Variants in RANBP2 observed in about 807,000 individuals in gnomAD.
RANBP2 encodes the protein RAN binding protein 2.
In RANBP2, 57 loss-of-function variants were observed where a neutral mutation model predicts 303.6. The observed-to-expected ratio is 0.19, with a 90% CI of 0.15 to 0.23. The LOEUF (loss-of-function observed/expected upper bound fraction) is 0.23, where lower values mean the gene tolerates loss of function less well. RANBP2 is among the 10% of genes least tolerant of loss of function. The probability of loss-of-function intolerance (pLI) is 1.00; values close to 1 mark genes in which losing one functional copy is unlikely to be tolerated. For synonymous variants in RANBP2, 1,167 were observed against 1,301.5 expected (o/e 0.90, Z 2.23); for missense variants, 3,138 against 3,780.8 (o/e 0.83, Z 4.46).
the RANBP2 span, among the ~76,000 whole-genome samples, chr2:108,932,528 C>CAAAAAAAAAAAA: frequency 7.7e-5 from 3 of 39,140 alleles, no homozygotes; most frequent in Admixed American, 2.6e-4. Context: ...GACTCTGTCT[C>CAAAAAAAAAAAA]AAAAAAAAAA....
At chr2:109,275,007 C>T in the RANBP2 span, among the ~76,000 whole-genome samples, 1 of 152,144 alleles carries the variant, frequency 6.6e-6, no homozygotes, top group Non-Finnish European at 1.5e-5. Context: ...TAGTTCTAAG[C>T]ACCATTTATA....
chr2:108,765,025 T>G lies in RANBP2; in HGVS notation c.4486T>G (p.Ser1496Ala). Residue 1496 changes from serine (S) to alanine (A), a missense_variant, in exon 20 of 29, where the codon TCT (serine) becomes GCT (alanine). By Grantham distance (99) the Ser-to-Ala change is moderately conservative. Around this residue, in one of 20 missense-constraint regions of RANBP2, gnomAD observed 388 missense variants for 328.5 expected, o/e 1.18. Transcript: ENST00000283195. ...SACLVQNEGSSTKCAACQNPR... is the reference protein window; with the variant it reads ...SACLVQNEGSATKCAACQNPR... Reference sequence around the variant, plus strand: ...ATGTTTGGTACAAAATGAGGGGAGCTCTACAAAATGTGCTGCTTGTCAGAA... The same window carrying G: ...ATGTTTGGTACAAAATGAGGGGAGCGCTACAAAATGTGCTGCTTGTCAGAA... 6.2e-7 allele frequency: 1 copy of G among 1,612,664 alleles called. No individual in the cohort carries two copies. The highest frequency in any genetic ancestry group is 8.5e-7 in the Non-Finnish European group (1 of 1,179,550).
the RANBP2 span, among the ~76,000 whole-genome samples, chr2:109,355,170 A>G: frequency 6.6e-6 from 1 of 152,248 alleles, no homozygotes; most frequent in Non-Finnish European, 1.5e-5. Flanking sequence ...ATGAAAGTCT[A>G]CGGGCCCACA....
At chr2:108,722,923 C>G (rs13023733) in intron 1 of RANBP2, among the ~76,000 whole-genome samples, 1 of 152,164 alleles carries the variant, frequency 6.6e-6, no homozygotes, top group Non-Finnish European at 1.5e-5. Context: ...AAATATAATT[C>G]TTTCTCTAGT....
At chr2:109,466,101 A>G in the RANBP2 span, among the ~76,000 whole-genome samples, 3 of 85,890 alleles carry the variant, frequency 3.5e-5, no homozygotes, top group Non-Finnish European at 6.6e-5. Flanking sequence ...TTTTTTTGAG[A>G]TGGAGTCTCG....
the RANBP2 span, among the ~76,000 whole-genome samples, chr2:109,301,521 A>G: frequency 6.6e-6 from 1 of 152,102 alleles, no homozygotes; most frequent in Non-Finnish European, 1.5e-5. Flanking sequence ...AGCACAGGGC[A>G]TGCCAGGACA....
the RANBP2 span, among the ~76,000 whole-genome samples, chr2:109,609,675 G>A: frequency 1.3e-5 from 2 of 149,306 alleles, no homozygotes; most frequent in Admixed American, 6.6e-5. Flanking sequence ...AAGACAGAAA[G>A]TAAAACAAAT....
At chr2:109,675,162 A>T in the RANBP2 span, among the ~76,000 whole-genome samples, 4 of 152,140 alleles carry the variant, frequency 2.6e-5, no homozygotes, top group Non-Finnish European at 5.9e-5. Context: ...TTGTAGAGAC[A>T]GGATCTCACT....
At chr2:109,562,780 C>T in the RANBP2 span, among the ~76,000 whole-genome samples, 9 of 152,142 alleles carry the variant, frequency 5.9e-5, no homozygotes, top group Non-Finnish European at 1.0e-4. Context: ...ACTAGGGAAG[C>T]TAACTCGAGA....
At chr2:109,429,448 C>T in the RANBP2 span, among the ~76,000 whole-genome samples, 113 of 152,276 alleles carry the variant, frequency 7.4e-4, no homozygotes, top group African/African-American at 2.5e-3. Context: ...ATCAACAGAA[C>T]GAACTTAAAA....
At chr2:109,210,810 T>C in the RANBP2 span, among the ~76,000 whole-genome samples, 2 of 152,146 alleles carry the variant, frequency 1.3e-5, no homozygotes, top group East Asian at 3.9e-4. Context: ...AAAGCATGAG[T>C]CACTACAAAA....
chr2:108,825,431 C>CA, the RANBP2 span, among the ~76,000 whole-genome samples: 6 of 149,948 alleles, frequency 4.0e-5, no homozygotes, highest in South Asian at 2.1e-4. Flanking sequence ...CTCCTCTCTC[C>CA]AAAAAAAAAC....
the RANBP2 span, among the ~76,000 whole-genome samples, chr2:109,339,821 T>C: frequency 6.6e-6 from 1 of 152,124 alleles, no homozygotes; most frequent in Non-Finnish European, 1.5e-5. Context: ...TGTAAACAGA[T>C]CTGGACCCTC....
rs775045137 is a variant in RANBP2 at position 108,767,631 on chromosome 2, T to C, written c.7092T>C (p.Asp2364=). 10 of 1,611,950 alleles carry C rather than the reference T, an allele frequency of 6.2e-6. No individual in the cohort carries two copies. The highest frequency in any genetic ancestry group is 8.5e-6 in the Non-Finnish European group (10 of 1,179,844). ...IGDIKILQNY[D]NKQVRIVMRR... ...ATATAAAGATTTTACAGAATTATGA[T>C]AATAAGCAAGTTCGTATAGTGATGA... The change falls in exon 20 of 29, where the codon GAT becomes GAC. Residue 2364 remains aspartate (D), a synonymous_variant. Coordinates refer to ENST00000283195, the MANE Select transcript of RANBP2 (RefSeq NM_006267.5).
chr2:109,487,877 C>T, the RANBP2 span, among the ~76,000 whole-genome samples: 2 of 152,196 alleles, frequency 1.3e-5, no homozygotes, highest in Non-Finnish European at 2.9e-5. Flanking sequence ...CCGTGCTAGG[C>T]GCTGGTGGGG....
At chr2:109,518,516 T>C in the RANBP2 span, among the ~76,000 whole-genome samples, 1 of 152,228 alleles carries the variant, frequency 6.6e-6, no homozygotes, top group Admixed American at 6.5e-5. Context: ...GCTTCAAGTC[T>C]GTAACTCCAA....
chr2:109,535,423 C>T, the RANBP2 span, among the ~76,000 whole-genome samples: 1 of 152,158 alleles, frequency 6.6e-6, no homozygotes, highest in Non-Finnish European at 1.5e-5. Flanking sequence ...CCTCAGACTT[C>T]CGGCTTCACA....
chr2:109,500,525 A>T, the RANBP2 span, among the ~76,000 whole-genome samples: 2 of 152,172 alleles, frequency 1.3e-5, no homozygotes, highest in African/African-American at 4.8e-5. Context: ...CAGAGGCTGC[A>T]GGGGGCCCAA....
chr2:109,064,749 GATGGATAA>G, the RANBP2 span, among the ~76,000 whole-genome samples: 2 of 152,124 alleles, frequency 1.3e-5, no homozygotes, highest in Admixed American at 1.3e-4. Flanking sequence ...GGTTGTATTT[GATGGATAA>G]ATGCACCCAC....
Sources: allele counts gnomAD v4.1 joint callset (sites outside exome capture counted in the v4.1 genomes callset), GRCh38; gene constraint gnomAD v4.1.1; regional missense constraint gnomAD v4.1.1; transcripts MANE v1.5; gene names NCBI Gene and HGNC (gene_info 2026-07-23, HGNC 2026-07-21).